Variants in NUFIP2 observed in about 807,000 individuals in gnomAD.
NUFIP2 encodes the protein FMR1-interacting protein NUFIP2.
Under a neutral mutation model 56.9 loss-of-function variants are expected in NUFIP2, and 6 were observed. The observed-to-expected ratio is 0.11, with a 90% CI of 0.06 to 0.21. The LOEUF is 0.21. NUFIP2 is among the 10% of genes least tolerant of loss of function. The pLI is 1.00. For synonymous variants in NUFIP2, 321 were observed against 298.2 expected (o/e 1.08, Z -0.79); for missense variants, 828 against 826.8 (o/e 1.00, Z -0.02).
rs1011445521 is a variant in NUFIP2, at chr17:29,294,123, C to G, written c.-64G>C. 7 of 1,529,634 alleles carry G rather than the reference C, an allele frequency of 4.6e-6. No homozygotes were observed. In the South Asian group the frequency reaches 8.7e-5, roughly 19 times the overall value. The allele number at this position is 1,529,634 out of a possible 1,614,324, so 94.8% of individuals were successfully genotyped here. ...GCTGCACCGTCAGGATCTGAGACTGCTTCTCAGGGCTCACTCAGTATATCT... is the reference window on the plus strand; with the variant it reads ...GCTGCACCGTCAGGATCTGAGACTGGTTCTCAGGGCTCACTCAGTATATCT... On this transcript the variant is annotated 5_prime_UTR_variant, in exon 1 of 4. Transcript: ENST00000225388.
chr17:29,264,558 A>G lies in NUFIP2; in HGVS notation c.2069T>C (p.Met690Thr). Residue 690 changes from methionine to threonine, a missense_variant, in exon 4 of 4, where the codon ATG becomes ACG. By Grantham distance (81) the Met-to-Thr change is moderately conservative (BLOSUM62 -1). Around this residue, in one of 3 missense-constraint regions of NUFIP2, gnomAD observed 404 missense variants for 380.3 expected, o/e 1.06. Transcript: ENST00000225388. ...PKRIITYNEAMDSPDQ is the reference protein window; with the variant it reads ...PKRIITYNEATDSPDQ ...GGTCCTTCATTGATCTGGACTATCC[A>G]TGGCTTCATTGTAAGTGATTATCCT... 1 of 1,608,612 alleles carries G rather than the reference A, an allele frequency of 6.2e-7. No individual in the cohort carries two copies. The highest frequency in any genetic ancestry group is 8.5e-7 in the Non-Finnish European group (1 of 1,175,256).
chr17:29,293,873 C>T lies in NUFIP2; in HGVS notation c.187G>A (p.Glu63Lys). The stretch of plus-strand genomic sequence containing the variant: ...TTTGGCTGGGCCTTGGGGCTGCCCT[C>T]GGCTCCATGCTGCAGGTATTGGTGA... ...QPHQYLQHGA[E>K]GSPKAQPKPL... The change falls in exon 1 of 4, where the codon GAG (glutamate) becomes AAG (lysine). Residue 63 changes from glutamate (E) to lysine (K), a missense_variant. By Grantham distance (56) the Glu-to-Lys change is moderately conservative. Around this residue, in one of 3 missense-constraint regions of NUFIP2, gnomAD observed 415 missense variants for 408.7 expected, o/e 1.02. Transcript: ENST00000225388. 6.2e-7 allele frequency: 1 copy of T among 1,613,620 alleles called. No homozygotes were observed. The highest frequency in any genetic ancestry group is 8.5e-7 in the Non-Finnish European group (1 of 1,179,716).
At chr17:29,289,156 GA>G (rs953717210) in intron 1 of NUFIP2, among the ~76,000 whole-genome samples, 2 of 150,024 alleles carry the variant, frequency 1.3e-5, no homozygotes, top group African/African-American at 4.9e-5. Context: ...AAGAAGAAAA[GA>G]AAAAAAAACC....
chr17:29,286,210 G>A lies in NUFIP2; in HGVS notation c.1784C>T (p.Pro595Leu), dbSNP rs2069172782. Residue 595 changes from proline to leucine, a missense_variant, in exon 2 of 4, where the codon CCC becomes CTC. Pro to Leu is a moderately conservative substitution (Grantham distance 98). This residue lies in a region of NUFIP2 where 404 missense variants were observed against 380.3 expected (regional missense o/e 1.06). Coordinates refer to ENST00000225388, the MANE Select transcript of NUFIP2 (RefSeq NM_020772.3). ...TSESGALSLE[P>L]SHIGDLQKAD... ...TTTCTGCAGGTCACCTATATGACTG[G>A]GTTCCAAGGATAAGGCTCCACTCTC... 6.2e-7 allele frequency: 1 copy of A among 1,613,846 alleles called. No homozygotes were observed. The highest frequency in any genetic ancestry group is 8.5e-7 in the Non-Finnish European group (1 of 1,179,966).
intron 2 of NUFIP2, among the ~76,000 whole-genome samples, chr17:29,271,064 G>A (rs922011880): frequency 7.9e-5 from 12 of 152,098 alleles, no homozygotes; most frequent in Admixed American, 3.9e-4. Flanking sequence ...CTTCTTTACT[G>A]CAGCTTAAGG....
chr17:29,288,608 A>G (rs2069192381), intron 1 of NUFIP2, among the ~76,000 whole-genome samples: 1 of 152,222 alleles, frequency 6.6e-6, no homozygotes, highest in African/African-American at 2.4e-5. Context: ...TCTACGTACC[A>G]ATGTTTCCAA....
At chr17:29,271,777 A>G (rs2069074097) in intron 2 of NUFIP2, among the ~76,000 whole-genome samples, 1 of 151,998 alleles carries the variant, frequency 6.6e-6, no homozygotes, top group Non-Finnish European at 1.5e-5. Context: ...CAAGACTAAC[A>G]AGAAATGACA....
chr17:29,293,542 G>T (rs887305094), intron 1 of NUFIP2, among the ~76,000 whole-genome samples: 7 of 152,120 alleles, frequency 4.6e-5, no homozygotes, highest in African/African-American at 1.7e-4. Flanking sequence ...TTCAGCCGGG[G>T]CCGGGGCCAG....
intron 2 of NUFIP2, among the ~76,000 whole-genome samples, chr17:29,277,058 T>C (rs2069112318): frequency 6.6e-6 from 1 of 152,190 alleles, no homozygotes; most frequent in Non-Finnish European, 1.5e-5. Flanking sequence ...ACAGTCTCGC[T>C]CTGTCGCCCA....
In NUFIP2 at chr17:29,286,008, A is replaced by G. The variant is rs1279310133; in HGVS notation, c.1986T>C (p.Ile662=). The change falls in exon 2 of 4, where the codon ATT becomes ATC. Residue 662 remains isoleucine (I), a synonymous_variant. Transcript: ENST00000225388. The part of the protein sequence containing the change: ...SWGSFDLRAA[I]VYHTKEMESI... ...ATGAGTTACCTTTAGTGTGATATAC[A>G]ATAGCAGCCCTCAGGTCAAAAGAAC... The G allele has an allele frequency of 6.2e-7, 1 of 1,612,348 alleles. No individual in the cohort carries two copies. The highest frequency in any genetic ancestry group is 1.3e-5 in the African/African-American group (1 of 74,808).
chr17:29,293,735 T>C (rs1239962043), intron 1 of NUFIP2, 48 bp downstream of exon 1: 24 of 1,012,360 alleles, frequency 2.4e-5, no homozygotes, highest in Middle Eastern at 3.3e-4. Flanking sequence ...CCATCTCTCC[T>C]GTCCTCCACC....
At chr17:29,276,746 T>A (rs1399339580) in intron 2 of NUFIP2, among the ~76,000 whole-genome samples, 1 of 152,202 alleles carries the variant, frequency 6.6e-6, no homozygotes, top group African/African-American at 2.4e-5. Flanking sequence ...TCACAGGGCT[T>A]GGTGCAGTAA....
chr17:29,293,682 C>T, intron 1 of NUFIP2, 101 bp downstream of exon 1: 1 of 1,304,544 alleles, frequency 7.7e-7, no homozygotes, highest in East Asian at 2.5e-5. Flanking sequence ...CACACACACA[C>T]ACACCCCGAC....
Position 29,258,103 on chromosome 17 carries a change from T to TATA in NUFIP2, c.*6433_*6435dup, listed in dbSNP as rs900715627. The stretch of plus-strand genomic sequence containing the variant: ...TTAATATACATGCAAGGCACATTGA[T>TATA]ATAAAAATAGATCTCTGGCCAACAA... On this transcript the variant is annotated 3_prime_UTR_variant, in exon 4 of 4. Coordinates refer to ENST00000225388, the MANE Select transcript of NUFIP2 (RefSeq NM_020772.3). 6.6e-6 allele frequency: 1 copy of TATA among 152,046 alleles called. No homozygotes were observed. Among genetic ancestry groups the TATA allele is most frequent in the African/African-American group, 2.4e-5 (1 of 41,414 alleles). 9.4% of individuals were successfully genotyped at this position (152,046 alleles called of 1,614,324 possible).
intron 1 of NUFIP2, among the ~76,000 whole-genome samples, chr17:29,290,740 T>A (rs1378123456): frequency 6.6e-6 from 1 of 151,868 alleles, no homozygotes; most frequent in East Asian, 1.9e-4. Context: ...TTAACAGATA[T>A]AACTTTATCT....
intron 2 of NUFIP2, among the ~76,000 whole-genome samples, chr17:29,276,375 G>T (rs964515979): frequency 6.6e-6 from 1 of 151,938 alleles, no homozygotes; most frequent in Non-Finnish European, 1.5e-5. Context: ...CCATCTTAGG[G>T]GTTCCAATTA....
At position 29,262,142 on chromosome 17, in the gene NUFIP2, C is replaced by G. The variant is rs550675853; in HGVS notation, c.*2397G>C. 6.6e-6 allele frequency: 1 copy of G among 152,452 alleles called. No homozygotes were observed. Among genetic ancestry groups the G allele is most frequent in the East Asian group, 1.9e-4 (1 of 5,180 alleles). The allele number at this position is 152,452 out of a possible 1,614,324, so 9.4% of individuals were successfully genotyped here. A position where few individuals can be genotyped will look rare whatever the true frequency, so the allele number is the denominator to read the frequency against. ...GTTTTTTCCTTTTCAAATATATACT[C>G]AATTCAACCTCTGTATGTCACAAAC... On this transcript the variant is annotated 3_prime_UTR_variant, in exon 4 of 4. Transcript: ENST00000225388.
At position 29,256,729 on chromosome 17, in the gene NUFIP2, A is replaced by G. The variant is rs964190432; in HGVS notation, c.*7810T>C. Reference sequence around the variant, plus strand: ...CTGGGTAGTAGTACATCTACACATTATAAGTACACATACACAAAGTAAAGC... The same window carrying G: ...CTGGGTAGTAGTACATCTACACATTGTAAGTACACATACACAAAGTAAAGC... On this transcript the variant is annotated 3_prime_UTR_variant, in exon 4 of 4. Coordinates refer to ENST00000225388, the MANE Select transcript of NUFIP2 (RefSeq NM_020772.3). The G allele has an allele frequency of 5.9e-5, 9 of 152,220 alleles. No homozygotes were observed. Among genetic ancestry groups the G allele is most frequent in the Admixed American group, 3.3e-4 (5 of 15,286 alleles). The allele number at this position is 152,220 out of a possible 1,614,324, so 9.4% of individuals were successfully genotyped here.
In NUFIP2 at chr17:29,286,540, G is replaced by C; in HGVS notation, c.1454C>G (p.Thr485Arg). The change falls in exon 2 of 4, where the codon ACA (threonine) becomes AGA (arginine). Residue 485 changes from threonine to arginine, a missense_variant. By Grantham distance (71) the Thr-to-Arg change is moderately conservative. Transcript: ENST00000225388. ...CTGAGAGGGCAGATCCACTTGTGCT[G>C]TGCTCAACAGCATAGTTTGCATATT... ...PSNMQTMLLS[T>R]AQVDLPSQTD... The C allele has an allele frequency of 1.2e-6, 2 of 1,614,182 alleles. No individual in the cohort carries two copies. The highest frequency in any genetic ancestry group is 1.7e-6 in the Non-Finnish European group (2 of 1,180,038).
Sources: allele counts gnomAD v4.1 joint callset (sites outside exome capture counted in the v4.1 genomes callset), GRCh38; gene constraint gnomAD v4.1.1; regional missense constraint gnomAD v4.1.1; transcripts MANE v1.5; gene names NCBI Gene and HGNC (gene_info 2026-07-23, HGNC 2026-07-21).